The following SNAI2 variants were observed in gnomAD, a reference collection of about 807,000 sequenced individuals.
SNAI2 encodes snail family transcriptional repressor 2.
A neutral mutation model predicts 22.4 loss-of-function variants in SNAI2; 2 were observed. The ratio of observed to expected loss-of-function variants is 0.09; its 90% CI spans 0.04 to 0.28. The LOEUF (loss-of-function observed/expected upper bound fraction) is 0.28. Among genes scored for constraint, SNAI2 ranks in the 10% least tolerant of loss-of-function variants. The pLI, the probability that SNAI2 is intolerant of heterozygous loss-of-function variation, is 1.00. For missense variants in SNAI2, 239 were observed against 320.8 expected (o/e 0.75, Z 1.95); for synonymous variants, 134 against 123.0 (o/e 1.09, Z -0.59).
chr8:48,920,289 C>T lies in SNAI2; in HGVS notation c.232G>A (p.Gly78Arg), dbSNP rs915887115. The T allele has an allele frequency of 1.2e-6, 2 of 1,612,580 alleles. No homozygotes were observed. Among genetic ancestry groups the T allele is most frequent in the Non-Finnish European group, 1.7e-6 (2 of 1,179,080 alleles). The change falls in exon 2 of 3, where the codon GGA becomes AGA. Residue 78 changes from glycine (G) to arginine (R), a missense_variant. Around this residue, in one of 3 missense-constraint regions of SNAI2, gnomAD observed 183 missense variants for 190.4 expected, o/e 0.96. Coordinates refer to ENST00000020945, the MANE Select transcript of SNAI2 (RefSeq NM_003068.5). Reference protein sequence around the residue: ...QLPNGLSPLSGYSSSLGRVSP... With the variant: ...QLPNGLSPLSRYSSSLGRVSP... ...ACTCGCCCCAAAGATGAGGAGTATC[C>T]GGAAAGAGGAGAGAGGCCATTGGGT... is the stretch of plus-strand genomic sequence containing the variant.
At position 48,921,258 on chromosome 8, in the gene SNAI2, C is replaced by G; in HGVS notation, c.8G>C (p.Arg3Pro). 1 of 1,613,010 alleles carries G rather than the reference C, an allele frequency of 6.2e-7. No homozygotes were observed. The highest frequency in any genetic ancestry group is 8.5e-7 in the Non-Finnish European group (1 of 1,179,848). MP[R>P]SFLVKKHFNA... is the part of the protein sequence containing the mutation. ...GAAATGCTTCTTGACCAGGAAGGAG[C>G]GCGGCATCTTGCCAGCGGGTCTGGC... Residue 3 changes from arginine (R) to proline (P), a missense_variant, in exon 1 of 3, where the codon CGC becomes CCC. Physicochemically the swap from Arg to Pro is moderately radical, Grantham distance 103 (BLOSUM62 -2). This residue lies in a region of SNAI2 where 183 missense variants were observed against 190.4 expected (regional missense o/e 0.96). Transcript: ENST00000020945.
At chr8:48,920,550 T>G in intron 1 of SNAI2, 109 bp from the exon 2 acceptor site, 1 of 1,040,268 alleles carries the variant, frequency 9.6e-7, no homozygotes, top group Non-Finnish European at 1.5e-6. Flanking sequence ...ACACGTGATT[T>G]TCTTAGGAAG....
chr8:48,919,789 T>G, intron 2 of SNAI2, 107 bp downstream of exon 2: 1 of 1,159,774 alleles, frequency 8.6e-7, no homozygotes, highest in Non-Finnish European at 1.3e-6. Flanking sequence ...TATCAATGAC[T>G]GTCCATCATT....
chr8:48,918,810 G>T lies in SNAI2; in HGVS notation c.804C>A (p.His268Gln). Residue 268 changes from histidine to glutamine, a missense_variant, in exon 3 of 3, where the codon CAC becomes CAA. Coordinates refer to ENST00000020945, the MANE Select transcript of SNAI2 (RefSeq NM_003068.5). ...KHEESGCCVA[H>Q] ...GAGTAAACATTGATTGCGTCACTCA[G>T]TGTGCTACACAGCAGCCAGATTCCT... 2 of 1,614,074 alleles carry T rather than the reference G, an allele frequency of 1.2e-6. No homozygotes were observed. Among genetic ancestry groups the T allele is most frequent in the Non-Finnish European group, 1.7e-6 (2 of 1,179,936 alleles).
intron 1 of SNAI2, 38 bp from the exon 2 acceptor site, chr8:48,920,479 A>G: frequency 6.5e-7 from 1 of 1,530,636 alleles, no homozygotes; most frequent in Non-Finnish European, 9.1e-7. Context: ...ATTAAGGCAA[A>G]AATAATTAAA....
intron 2 of SNAI2, 79 bp from the exon 3 acceptor site, chr8:48,919,067 A>T: frequency 7.1e-7 from 1 of 1,407,504 alleles, no homozygotes; most frequent in African/African-American, 1.4e-5. Context: ...TGTTAACAAA[A>T]GTCAATCACA....
chr8:48,918,191 A>C lies in SNAI2; in HGVS notation c.*616T>G, dbSNP rs1460482797. ...CACATACTGTTAATTGGCAAAAACA[A>C]AACAAAACAAAAATACTTTTAATAC... On this transcript the variant is annotated 3_prime_UTR_variant, in exon 3 of 3. Coordinates refer to ENST00000020945, the MANE Select transcript of SNAI2 (RefSeq NM_003068.5). 1 of 152,534 alleles carries C rather than the reference A, an allele frequency of 6.6e-6. No individual in the cohort carries two copies. The highest frequency in any genetic ancestry group is 1.5e-5 in the Non-Finnish European group (1 of 68,292). The allele number at this position is 152,534 out of a possible 1,614,324, so 9.4% of individuals were successfully genotyped here.
In SNAI2 at chr8:48,918,873, G is replaced by A. The variant is rs776462221; in HGVS notation, c.741C>T (p.Ser247=). ...GGAGAGACATTCTGGAGAAGGTTTT[G>A]GAGCAGTTTTTGCACTGGTATTTCT... ...DVKKYQCKNC[S]KTFSRMSLLH... The change falls in exon 3 of 3, where the codon TCC becomes TCT. Residue 247 remains serine (S), a synonymous_variant. Coordinates refer to ENST00000020945, the MANE Select transcript of SNAI2 (RefSeq NM_003068.5). 1 of 1,614,128 alleles carries A rather than the reference G, an allele frequency of 6.2e-7. No individual in the cohort carries two copies. The highest frequency in any genetic ancestry group is 8.5e-7 in the Non-Finnish European group (1 of 1,180,022).
At position 48,917,810 on chromosome 8, in the gene SNAI2, G is replaced by GT. The variant is rs1806100748; in HGVS notation, c.*996dup. 1 of 152,004 alleles carries GT rather than the reference G, an allele frequency of 6.6e-6. No individual in the cohort carries two copies. The highest frequency in any genetic ancestry group is 2.4e-5 in the African/African-American group (1 of 41,400). 9.4% of individuals were successfully genotyped at this position (152,004 alleles called of 1,614,324 possible). A position where few individuals can be genotyped will look rare whatever the true frequency, so the allele number is the denominator to read the frequency against. ...TTATTGTAAAAAAAACTTGAAAATT[G>GT]TTTTTTAAAAAAGAAACATTGATTT... On this transcript the variant is annotated 3_prime_UTR_variant, in exon 3 of 3. Transcript: ENST00000020945.
rs1806137197 is a variant in SNAI2 at position 48,920,004 on chromosome 8, C to T, written c.517G>A (p.Ala173Thr). 6.2e-7 allele frequency: 1 copy of T among 1,614,140 alleles called. No homozygotes were observed. Among genetic ancestry groups the T allele is most frequent in the Non-Finnish European group, 8.5e-7 (1 of 1,180,030 alleles). The change falls in exon 2 of 3, where the codon GCC (alanine) becomes ACC (threonine). Residue 173 changes from alanine to threonine, a missense_variant. Ala to Thr is a moderately conservative substitution (Grantham distance 58). Coordinates refer to ENST00000020945, the MANE Select transcript of SNAI2 (RefSeq NM_003068.5). The stretch of plus-strand genomic sequence containing the variant: ...TGGGTCCGAATATGCATCTTCAGGG[C>T]GCCCAGGCTCACATATTCCTTGTCA... ...YCDKEYVSLG[A>T]LKMHIRTHTL...
At chr8:48,919,808 T>C in intron 2 of SNAI2, 88 bp downstream of exon 2, 1 of 1,357,624 alleles carries the variant, frequency 7.4e-7, no homozygotes, top group African/African-American at 1.4e-5. Context: ...TTAAAAGCAC[T>C]ATGTCACAAC....
Position 48,921,289 on chromosome 8 carries a change from C to T in SNAI2, c.-24G>A. On this transcript the variant is annotated 5_prime_UTR_variant, in exon 1 of 3. Transcript: ENST00000020945. Reference sequence around the variant, plus strand: ...ATCTTGCCAGCGGGTCTGGCGGGCGCCCGGCGCGGATAACGGTCCGGCGGG... The same window carrying T: ...ATCTTGCCAGCGGGTCTGGCGGGCGTCCGGCGCGGATAACGGTCCGGCGGG... 6.2e-7 allele frequency: 1 copy of T among 1,601,816 alleles called. No individual in the cohort carries two copies. Among genetic ancestry groups the T allele is most frequent in the Non-Finnish European group, 8.5e-7 (1 of 1,172,186 alleles).
intron 2 of SNAI2, 123 bp from the exon 3 acceptor site, chr8:48,919,111 AT>A: frequency 1.2e-6 from 1 of 854,822 alleles, no homozygotes; most frequent in Non-Finnish European, 1.8e-6. Context: ...GCAAAACCTG[AT>A]TAAAATCCCT....
Position 48,918,831 on chromosome 8 carries a change from T to G in SNAI2, c.783A>C (p.Glu261Asp). ...SRMSLLHKHE[E>D]SGCCVAH ...CTCAGTGTGCTACACAGCAGCCAGA[T>G]TCCTCATGTTTGTGCAGGAGAGACA... is the stretch of plus-strand genomic sequence containing the variant. Residue 261 changes from glutamate (E) to aspartate (D), a missense_variant, in exon 3 of 3, where the codon GAA (glutamate) becomes GAC (aspartate). Transcript: ENST00000020945. The G allele has an allele frequency of 6.2e-7, 1 of 1,614,162 alleles. No homozygotes were observed. Among genetic ancestry groups the G allele is most frequent in the Non-Finnish European group, 8.5e-7 (1 of 1,180,016 alleles).
chr8:48,921,271 C>T lies in SNAI2; in HGVS notation c.-6G>A, dbSNP rs1229614665. ...ACCAGGAAGGAGCGCGGCATCTTGC[C>T]AGCGGGTCTGGCGGGCGCCCGGCGC... On this transcript the variant is annotated 5_prime_UTR_variant, in exon 1 of 3. Transcript: ENST00000020945. 6.2e-7 allele frequency: 1 copy of T among 1,612,418 alleles called. No homozygotes were observed. The highest frequency in any genetic ancestry group is 1.3e-5 in the African/African-American group (1 of 75,058).
At position 48,920,371 on chromosome 8, in the gene SNAI2, T is replaced by G; in HGVS notation, c.150A>C (p.Ser50=). The G allele has an allele frequency of 1.9e-6, 3 of 1,614,046 alleles. No individual in the cohort carries two copies. Among genetic ancestry groups the G allele is most frequent in the Non-Finnish European group, 2.5e-6 (3 of 1,179,940 alleles). ...PVIPQPEILS[S]GAYSPITVWT... is the part of the protein sequence containing the mutation. ...ACACAGTGATGGGGCTGTATGCTCC[T>G]GAGCTGAGGATCTCTGGTTGTGGTA... Residue 50 remains serine (S), a synonymous_variant, in exon 2 of 3, where the codon TCA becomes TCC. Coordinates refer to ENST00000020945, the MANE Select transcript of SNAI2 (RefSeq NM_003068.5).
At chr8:48,920,728 T>C (rs569202153) in intron 1 of SNAI2, among the ~76,000 whole-genome samples, 3 of 152,298 alleles carry the variant, frequency 2.0e-5, no homozygotes, top group South Asian at 2.1e-4. Context: ...GCCGTCCCCA[T>C]TGAGGAAGGA....
rs1806101131 is a variant in SNAI2 at position 48,917,848 on chromosome 8, GGTT to G, written c.*956_*958del. The G allele has an allele frequency of 6.6e-6, 1 of 151,980 alleles. No individual in the cohort carries two copies. 9.4% of individuals were successfully genotyped at this position (151,980 alleles called of 1,614,324 possible). A position where few individuals can be genotyped will look rare whatever the true frequency, so the allele number is the denominator to read the frequency against. On this transcript the variant is annotated 3_prime_UTR_variant, in exon 3 of 3. Coordinates refer to ENST00000020945, the MANE Select transcript of SNAI2 (RefSeq NM_003068.5). ...GAAACATTGATTTCACAAGTCTTCA[GGTT>G]GTTTATAGACATAGCTATAGACAAC...
At position 48,920,309 on chromosome 8, in the gene SNAI2, T is replaced by C. The variant is rs1455349039; in HGVS notation, c.212A>G (p.Asn71Ser). The C allele has an allele frequency of 2.5e-6, 4 of 1,611,914 alleles. No individual in the cohort carries two copies. Among genetic ancestry groups the C allele is most frequent in the South Asian group, 1.1e-5 (1 of 91,004 alleles). Reference sequence around the variant, plus strand: ...GTATCCGGAAAGAGGAGAGAGGCCATTGGGTAGCTGGGCGTGGAATGGAGC... The same window carrying C: ...GTATCCGGAAAGAGGAGAGAGGCCACTGGGTAGCTGGGCGTGGAATGGAGC... ...TAAPFHAQLP[N>S]GLSPLSGYSS... The change falls in exon 2 of 3, where the codon AAT (asparagine) becomes AGT (serine). Residue 71 changes from asparagine (N) to serine (S), a missense_variant. By Grantham distance (46) the Asn-to-Ser change is conservative (BLOSUM62 1). Coordinates refer to ENST00000020945, the MANE Select transcript of SNAI2 (RefSeq NM_003068.5).
Sources: gnomAD v4.1 joint callset for allele counts (sites outside exome capture counted in the v4.1 genomes callset) on GRCh38, gnomAD v4.1.1 for gene constraint, gnomAD v4.1.1 regional missense constraint, MANE v1.5 for transcripts, NCBI Gene and HGNC (gene_info 2026-07-23, HGNC 2026-07-21) for gene names.